Variants in MERTK observed in about 807,000 individuals in gnomAD.
MERTK encodes the protein MER proto-oncogene, tyrosine kinase.
Under a neutral mutation model 99.3 loss-of-function variants are expected in MERTK, and 69 were observed. That is an observed-to-expected ratio of 0.70 (90% confidence interval 0.57 to 0.85). The LOEUF (loss-of-function observed/expected upper bound fraction) is 0.85, where lower values mean the gene tolerates loss of function less well. MERTK is among the 40% of genes least tolerant of loss of function. The probability of loss-of-function intolerance (pLI) is 0.00; values close to 1 mark genes in which losing one functional copy is unlikely to be tolerated. For missense variants in MERTK, 1,125 were observed against 1,249.4 expected (o/e 0.90, Z 1.50); for synonymous variants, 426 against 467.6 (o/e 0.91, Z 1.15).
intron 1 of MERTK, among the ~76,000 whole-genome samples, chr2:111,906,899 G>A (rs1383474089): frequency 6.6e-6 from 1 of 152,210 alleles, no homozygotes; most frequent in Non-Finnish European, 1.5e-5. Flanking sequence ...ATCCTCACTT[G>A]TCAAATGGGA....
rs1465385224 is a variant in MERTK at position 111,947,582 on chromosome 2, T to A, written c.757+15T>A. 6.2e-7 allele frequency: 1 copy of A among 1,613,436 alleles called. No individual in the cohort carries two copies. The highest frequency in any genetic ancestry group is 8.5e-7 in the Non-Finnish European group (1 of 1,179,868). On this transcript the variant is annotated intron_variant, in intron 4 of 18. Transcript: ENST00000295408. ...AACTGTTCCAGGTAAGTCCGAGCTG[T>A]GGGCTTATTGATTTATTCTCTAATA...
chr2:112,021,327 C>T (rs575054732), intron 16 of MERTK, 95 bp from the exon 17 acceptor site: 61 of 1,569,046 alleles, frequency 3.9e-5, no homozygotes, highest in Middle Eastern at 2.3e-4. Flanking sequence ...TTCTTTTGGT[C>T]AATTATCATA....
chr2:111,997,168 G>C, intron 9 of MERTK, 155 bp from the exon 10 acceptor site: 1 of 870,644 alleles, frequency 1.1e-6, no homozygotes, highest in Admixed American at 1.7e-5. Context: ...CTCTTCGCAT[G>C]GTCTCAGCTT....
intron 4 of MERTK, among the ~76,000 whole-genome samples, chr2:111,959,510 T>TGA (rs1265439791): frequency 6.6e-6 from 1 of 152,090 alleles, no homozygotes; most frequent in East Asian, 1.9e-4. Context: ...TGTGTGTGTG[T>TGA]GACAGAGCCT....
At chr2:111,898,829 G>A (rs868047589) in intron 1 of MERTK, 33 bp downstream of exon 1, 2 of 1,564,958 alleles carry the variant, frequency 1.3e-6, no homozygotes, top group Middle Eastern at 1.8e-4. Flanking sequence ...CAGGCGAGGG[G>A]GTGGGGGCTC....
At chr2:111,920,349 C>T (rs1036421664) in intron 1 of MERTK, among the ~76,000 whole-genome samples, 8 of 152,130 alleles carry the variant, frequency 5.3e-5, no homozygotes, top group South Asian at 2.1e-4. Flanking sequence ...TTCCTGCAAG[C>T]GCCAGGCCTG....
chr2:111,962,694 A>G (rs191654432), intron 4 of MERTK, among the ~76,000 whole-genome samples: 1 of 152,300 alleles, frequency 6.6e-6, no homozygotes, highest in African/African-American at 2.4e-5. Context: ...TACTTTAGTG[A>G]TATTTCCTTA....
intron 4 of MERTK, among the ~76,000 whole-genome samples, chr2:111,950,282 T>C (rs1004592517): frequency 1.3e-5 from 2 of 152,194 alleles, no homozygotes; most frequent in Non-Finnish European, 2.9e-5. Flanking sequence ...TGTATTAATG[T>C]GTTAATTTGG....
At chr2:111,981,737 GTA>G (rs35386601) in intron 7 of MERTK, among the ~76,000 whole-genome samples, 22 of 151,272 alleles carry the variant, frequency 1.5e-4, no homozygotes, top group Non-Finnish European at 2.2e-4. Context: ...GTACACTCGT[GTA>G]CACACACACA....
chr2:112,020,552 T>C, intron 16 of MERTK: 1 of 470,772 alleles, frequency 2.1e-6, no homozygotes, highest in Non-Finnish European at 4.4e-6. Flanking sequence ...TTTTAGTAGC[T>C]TGGGCTACAA....
intron 1 of MERTK, among the ~76,000 whole-genome samples, chr2:111,907,476 G>C (rs1684158147): frequency 6.6e-6 from 1 of 152,168 alleles, no homozygotes; most frequent in South Asian, 2.1e-4. Context: ...CTGCCACCTG[G>C]GCTGTCTGTT....
chr2:111,997,651 G>A (rs1676778263), intron 10 of MERTK, among the ~76,000 whole-genome samples, 175 bp downstream of exon 10: 1 of 152,226 alleles, frequency 6.6e-6, no homozygotes, highest in Non-Finnish European at 1.5e-5. Context: ...TACAGAAGCA[G>A]CTGCCAGCAA....
chr2:111,962,335 C>T (rs984003433), intron 4 of MERTK, among the ~76,000 whole-genome samples: 1 of 152,096 alleles, frequency 6.6e-6, no homozygotes, highest in African/African-American at 2.4e-5. Context: ...TGGTGATACC[C>T]CGTCTCTACT....
In MERTK at chr2:111,929,507, A is replaced by T. The variant is rs779030836; in HGVS notation, c.449A>T (p.Asp150Val). The T allele has an allele frequency of 2.5e-6, 4 of 1,612,616 alleles. No homozygotes were observed. Among genetic ancestry groups the T allele is most frequent in the Non-Finnish European group, 3.4e-6 (4 of 1,179,242 alleles). ...AHHAITQFYP[D>V]DEVTAIIASF... is the part of the protein sequence containing the mutation. ...CATGCAATTACACAGTTTTATCCAG[A>T]TGATGAAGTTACAGCAATAATCGCT... Residue 150 changes from aspartate (D) to valine (V), a missense_variant, in exon 2 of 19, where the codon GAT (aspartate) becomes GTT (valine). Coordinates refer to ENST00000295408, the MANE Select transcript of MERTK (RefSeq NM_006343.3).
rs1241011026 is a variant in MERTK, at chr2:111,929,382, T to G, written c.324T>G (p.His108Gln). ...HTVGHIILSE[H>Q]KGVKFNCSIS... The stretch of plus-strand genomic sequence containing the variant: ...TTGGACACATAATACTTTCTGAACA[T>G]AAAGGTGTCAAATTTAATTGCTCAA... The change falls in exon 2 of 19, where the codon CAT (histidine) becomes CAG (glutamine). Residue 108 changes from histidine (H) to glutamine (Q), a missense_variant. His to Gln is a conservative substitution (Grantham distance 24, BLOSUM62 0). Coordinates refer to ENST00000295408, the MANE Select transcript of MERTK (RefSeq NM_006343.3). 1.2e-5 allele frequency: 19 copies of G among 1,613,966 alleles called. No individual in the cohort carries two copies. Among genetic ancestry groups the G allele is most frequent in the Non-Finnish European group, 1.2e-5 (14 of 1,180,020 alleles).
intron 2 of MERTK, 62 bp downstream of exon 2, chr2:111,929,602 A>ATTTATTTATTTATTTAC: frequency 3.2e-6 from 4 of 1,268,072 alleles, no homozygotes; most frequent in Non-Finnish European, 4.2e-6. Flanking sequence ...TTATTTACTT[A>ATTTATTTATTTATTTAC]TTGAGACAGA....
At chr2:111,992,475 A>G (rs1255903710) in intron 8 of MERTK, among the ~76,000 whole-genome samples, 1 of 152,036 alleles carries the variant, frequency 6.6e-6, no homozygotes, top group Non-Finnish European at 1.5e-5. Flanking sequence ...ACCAGTGACC[A>G]GGCATGGTGG....
chr2:111,947,649 C>T (rs1396656986), intron 4 of MERTK, 82 bp downstream of exon 4: 40 of 1,495,526 alleles, frequency 2.7e-5, no homozygotes, highest in Non-Finnish European at 3.5e-5. Context: ...CTGTGCACCA[C>T]TAGCAGGCAG....
At chr2:112,012,210 A>G (rs1377050789) in intron 15 of MERTK, among the ~76,000 whole-genome samples, 1 of 152,068 alleles carries the variant, frequency 6.6e-6, no homozygotes, top group African/African-American at 2.4e-5. Flanking sequence ...GATTGTGCAG[A>G]GAAATGTGCA....
Sources: gnomAD v4.1 joint callset for allele counts (sites outside exome capture counted in the v4.1 genomes callset) on GRCh38, gnomAD v4.1.1 for gene constraint, MANE v1.5 for transcripts, NCBI Gene and HGNC (gene_info 2026-07-23, HGNC 2026-07-21) for gene names.